Variants in ABL1 observed in about 807,000 individuals in gnomAD.
ABL1 encodes ABL proto-oncogene 1, non-receptor tyrosine kinase.
In ABL1, 11 loss-of-function variants were observed where a neutral mutation model predicts 94.7. The ratio of observed to expected loss-of-function variants is 0.12; its 90% CI spans 0.07 to 0.19. The LOEUF is 0.19. Among genes scored for constraint, ABL1 ranks in the 10% least tolerant of loss-of-function variants. ABL1 has a pLI of 1.00. For synonymous variants in ABL1, 656 were observed against 622.4 expected (o/e 1.05, Z -0.80); for missense variants, 1,082 against 1,489.4 (o/e 0.73, Z 4.50).
intron 1 of ABL1, among the ~76,000 whole-genome samples, chr9:130,718,109 G>A (rs1014759224): frequency 6.6e-6 from 1 of 151,948 alleles, no homozygotes; most frequent in Non-Finnish European, 1.5e-5. Context: ...CTTGAGGTCA[G>A]TAGTTCGAAA....
intron 1 of ABL1, among the ~76,000 whole-genome samples, chr9:130,796,261 G>T (rs923349238): frequency 6.6e-6 from 1 of 152,192 alleles, no homozygotes; most frequent in Non-Finnish European, 1.5e-5. Context: ...CATAGCTCAT[G>T]CCTATAATCC....
intron 1 of ABL1, among the ~76,000 whole-genome samples, chr9:130,830,224 T>C (rs1374895064): frequency 6.6e-6 from 1 of 152,158 alleles, no homozygotes; most frequent in Non-Finnish European, 1.5e-5. Context: ...ATAGTAGTCT[T>C]ACTGTAATGA....
At chr9:130,846,375 A>G (rs1411570646) in intron 1 of ABL1, among the ~76,000 whole-genome samples, 2 of 152,238 alleles carry the variant, frequency 1.3e-5, no homozygotes, top group African/African-American at 4.8e-5. Flanking sequence ...TGTTTTATAG[A>G]TTTTTAAATT....
At chr9:130,832,068 A>G (rs1330141527), upstream of ABL1, among the ~76,000 whole-genome samples, 1 of 152,090 alleles carries the variant, frequency 6.6e-6, no homozygotes, top group African/African-American at 2.4e-5. Context: ...TTATGCTTTT[A>G]GAAACATTGT....
Position 130,880,565 on chromosome 9 carries a change from G to A in ABL1, c.1579G>A (p.Glu527Lys). The change falls in exon 10 of 11, where the codon GAG becomes AAG. Residue 527 changes from glutamate (E) to lysine (K), a missense_variant. Coordinates refer to ENST00000318560, the MANE Select transcript of ABL1 (RefSeq NM_005157.6). This position sits in a 1 kb window ranked among gnomAD's most constrained non-coding sequence, Gnocchi z 4.4. ...TGTGAGTACCTTGCTGCAGGCCCCA[G>A]AGCTGCCCACCAAGACGAGGACCTC... ...GAVSTLLQAP[E>K]LPTKTRTSRR... 6.2e-7 allele frequency: 1 copy of A among 1,613,948 alleles called. No individual in the cohort carries two copies. Among genetic ancestry groups the A allele is most frequent in the Non-Finnish European group, 8.5e-7 (1 of 1,179,914 alleles).
chr9:130,874,521 C>G (rs1588277669), intron 6 of ABL1, among the ~76,000 whole-genome samples: 1 of 152,196 alleles, frequency 6.6e-6, no homozygotes, highest in East Asian at 1.9e-4. Context: ...AATCAAAGCA[C>G]TTAGCATATT....
At chr9:130,713,990 C>T (rs1382634744) in exon 1 of ABL1, 3 of 263,366 alleles carry the variant, frequency 1.1e-5, no homozygotes, top group Non-Finnish European at 2.2e-5. Context: ...TTTCAGCATC[C>T]CCTGTGAATA....
chr9:130,777,311 G>T (rs548807221), intron 1 of ABL1, among the ~76,000 whole-genome samples: 1 of 152,350 alleles, frequency 6.6e-6, no homozygotes, highest in African/African-American at 2.4e-5. Context: ...TGTGGATGGG[G>T]TTGTCCATTG....
chr9:130,719,366 T>C (rs1831486926), intron 1 of ABL1, among the ~76,000 whole-genome samples: 1 of 152,066 alleles, frequency 6.6e-6, no homozygotes, highest in Non-Finnish European at 1.5e-5. Context: ...CTGTCTCTAC[T>C]AAAAATACAA....
intron 8 of ABL1, among the ~76,000 whole-genome samples, chr9:130,878,833 T>C (rs4740377): frequency 0.32 from 48,433 of 151,636 alleles, 11,404 homozygotes; most frequent in African/African-American, 0.67. Flanking sequence ...TGGGCCCTGC[T>C]TTCACAGACA....
rs763067297 is a variant in ABL1 at position 130,884,759 on chromosome 9, C to T, written c.2469C>T (p.Thr823=). Residue 823 remains threonine, a synonymous_variant, in exon 11 of 11, where the codon ACC becomes ACT. Coordinates refer to ENST00000318560, the MANE Select transcript of ABL1 (RefSeq NM_005157.6). This position sits in a 1 kb window ranked among gnomAD's most constrained non-coding sequence, Gnocchi z 5.6. ...CAAAACCCCTCCGGCGGCAGGTCAC[C>T]GTGGCCCCTGCCTCGGGCCTCCCCC... ...LTPKPLRRQV[T]VAPASGLPHK... 1.6e-5 allele frequency: 26 copies of T among 1,612,152 alleles called. No individual in the cohort carries two copies. Among genetic ancestry groups the T allele is most frequent in the Middle Eastern group, 1.6e-4 (1 of 6,082 alleles).
At chr9:130,721,771 C>T (rs1199552887) in intron 1 of ABL1, among the ~76,000 whole-genome samples, 2 of 149,220 alleles carry the variant, frequency 1.3e-5, no homozygotes, top group African/African-American at 4.9e-5. Context: ...GGAGGAAGTG[C>T]AATTATTGGA....
intron 1 of ABL1, among the ~76,000 whole-genome samples, chr9:130,767,057 C>T (rs1007637224): frequency 6.6e-6 from 1 of 152,130 alleles, no homozygotes; most frequent in African/African-American, 2.4e-5. Flanking sequence ...GGGCCCTGCC[C>T]TTCACTCAGC....
At chr9:130,854,737 C>A (rs1474436736) in intron 2 of ABL1, 64 bp from the exon 3 acceptor site, 2 of 1,507,716 alleles carry the variant, frequency 1.3e-6, no homozygotes, top group African/African-American at 1.4e-5. Flanking sequence ...ACACAAGAAT[C>A]AATGAAAAAG....
chr9:130,841,433 G>C (rs1475276422), intron 1 of ABL1, among the ~76,000 whole-genome samples: 1 of 152,054 alleles, frequency 6.6e-6, no homozygotes, highest in African/African-American at 2.4e-5. Context: ...TTTTAAGAAA[G>C]TTTGCAAATT....
chr9:130,841,538 GCGGTGGCTGA>G (rs1216073881), intron 1 of ABL1, among the ~76,000 whole-genome samples: 2 of 152,070 alleles, frequency 1.3e-5, no homozygotes, highest in African/African-American at 4.8e-5. Flanking sequence ...CAGGCCGGGC[GCGGTGGCTGA>G]CGCCTGTAAT....
chr9:130,764,781 C>T (rs1342727270), intron 1 of ABL1, among the ~76,000 whole-genome samples: 1 of 152,066 alleles, frequency 6.6e-6, no homozygotes, highest in Non-Finnish European at 1.5e-5. Flanking sequence ...CATGGTGAAA[C>T]CCTGTCTCTA....
Position 130,823,614 on chromosome 9 carries a change from C to T in ABL1, c.137-30450C>T, listed in dbSNP as rs114428338. ...AAATGCCCACGCCAGCTGCCATGGC[C>T]CCTCACAGGCAGTGGACACCAGAAA... is the stretch of plus-strand genomic sequence containing the variant. On this transcript the variant is annotated intron_variant, in intron 1 of 10. Transcript: ENST00000372348. 6.1e-3 allele frequency among the ~76,000 whole-genome samples: 933 copies of T among 152,222 alleles called. 8 individuals carry two copies. Among genetic ancestry groups the T allele is most frequent in the African/African-American group, 0.021 (875 of 41,510 alleles).
At chr9:130,790,474 T>C in intron 1 of ABL1, among the ~76,000 whole-genome samples, 1 of 97,130 alleles carries the variant, frequency 1.0e-5, no homozygotes, top group Non-Finnish European at 2.1e-5. Flanking sequence ...ATTTTATTTA[T>C]TTATTTATTT....
Sources: gnomAD v4.1 joint callset for allele counts (sites outside exome capture counted in the v4.1 genomes callset) on GRCh38, gnomAD v4.1.1 for gene constraint, Gnocchi (gnomAD v3.1) non-coding constraint, MANE v1.5 for transcripts, NCBI Gene and HGNC (gene_info 2026-07-23, HGNC 2026-07-21) for gene names.